Variants in PROX1 observed in about 807,000 individuals in gnomAD.
The protein encoded by PROX1 is prospero homeobox 1.
In PROX1, 7 loss-of-function variants were observed where a neutral mutation model predicts 58.8. The observed-to-expected ratio is 0.12, with a 90% confidence interval of 0.07 to 0.22. The LOEUF is 0.22. PROX1 is among the 10% of genes least tolerant of loss of function. PROX1 has a pLI of 1.00. For missense variants in PROX1, 675 were observed against 927.8 expected, an observed-to-expected ratio of 0.73 and a Z score of 3.54; for synonymous variants, 350 against 358.3, an observed-to-expected ratio of 0.98 and a Z score of 0.26.
In PROX1 at chr1:213,997,447, A is replaced by G; in HGVS notation, c.912A>G (p.Pro304=). 1 of 1,614,116 alleles carries G rather than the reference A, an allele frequency of 6.2e-7. No homozygotes were observed. The change falls in exon 2 of 5, where the codon CCA becomes CCG. Residue 304 remains proline (P), a synonymous_variant. Coordinates refer to ENST00000366958, the MANE Select transcript of PROX1 (RefSeq NM_001270616.2). The surrounding 1 kb of genome is among the most constrained non-coding windows in gnomAD (Gnocchi z 7.1). The part of the protein sequence containing the change: ...RSDNEMCELD[P]GQFIDRARAL... ...ATAATGAGATGTGCGAGCTAGACCC[A>G]GGACAGTTTATTGACCGAGCTCGAG...
chr1:213,999,708 C>T (rs1483046490), intron 2 of PROX1, among the ~76,000 whole-genome samples: 1 of 152,124 alleles, frequency 6.6e-6, no homozygotes. Flanking sequence ...GGAGTTTTAG[C>T]TTGGTTGTTG....
chr1:214,000,039 C>G (rs1663438731), intron 2 of PROX1, among the ~76,000 whole-genome samples: 1 of 139,420 alleles, frequency 7.2e-6, no homozygotes, highest in Non-Finnish European at 1.5e-5. Context: ...CTCTCTCTCT[C>G]TCTTACACAC....
intron 1 of PROX1, among the ~76,000 whole-genome samples, chr1:213,995,527 T>C (rs1370886104): frequency 6.6e-6 from 1 of 152,124 alleles, no homozygotes; most frequent in East Asian, 1.9e-4. Context: ...GTTAAAGAGT[T>C]TCTTTGGGCA....
chr1:213,992,845 A>G (rs1443927727), intron 1 of PROX1, among the ~76,000 whole-genome samples: 1 of 152,188 alleles, frequency 6.6e-6, no homozygotes, highest in Non-Finnish European at 1.5e-5. Context: ...AAAGTAGAGC[A>G]CTTAACCACT....
intron 4 of PROX1, among the ~76,000 whole-genome samples, chr1:214,032,535 A>G (rs556724792): frequency 6.6e-6 from 1 of 152,202 alleles, no homozygotes; most frequent in South Asian, 2.1e-4. Context: ...CTGGGACCAC[A>G]GGCATGTGCC....
chr1:214,008,182 G>C (rs1663783703), intron 3 of PROX1, among the ~76,000 whole-genome samples: 1 of 151,988 alleles, frequency 6.6e-6, no homozygotes, highest in African/African-American at 2.4e-5. Flanking sequence ...CTCCCAAGAA[G>C]CTGGGATTAC....
rs116474393 is a variant in PROX1 at position 213,994,670 on chromosome 1, C to A, written c.-67-1799C>A. On this transcript the variant is annotated intron_variant, in intron 1 of 4. Coordinates refer to ENST00000366958, the MANE Select transcript of PROX1 (RefSeq NM_001270616.2). The stretch of plus-strand genomic sequence containing the variant: ...CAATTTTGAACCCAATGTTGTAGTT[C>A]TTGAGAACTCCATCTCCATTCTAAG... 8.9e-4 allele frequency among the ~76,000 whole-genome samples: 132 copies of A among 148,342 alleles called. 2 individuals carry two copies. Among genetic ancestry groups the A allele is most frequent in the African/African-American group, 3.2e-3 (130 of 40,414 alleles).
At chr1:214,009,583 G>T (rs1401513016) in intron 3 of PROX1, among the ~76,000 whole-genome samples, 1 of 152,098 alleles carries the variant, frequency 6.6e-6, no homozygotes, top group African/African-American at 2.4e-5. Flanking sequence ...CATGTTTGGG[G>T]AGTCTGTTGT....
chr1:213,992,496 T>A (rs909381253), intron 1 of PROX1, among the ~76,000 whole-genome samples: 3 of 152,112 alleles, frequency 2.0e-5, no homozygotes, highest in Non-Finnish European at 2.9e-5. Flanking sequence ...AATCACTAAT[T>A]TCCAGATTGA....
At chr1:214,024,889 A>G (rs1664400468) in intron 4 of PROX1, among the ~76,000 whole-genome samples, 1 of 152,162 alleles carries the variant, frequency 6.6e-6, no homozygotes, top group Non-Finnish European at 1.5e-5. Flanking sequence ...TCACCCAGTA[A>G]TTGTAGCAAA....
chr1:214,032,779 A>C (rs1216750157), intron 4 of PROX1, among the ~76,000 whole-genome samples: 1 of 152,208 alleles, frequency 6.6e-6, no homozygotes, highest in Admixed American at 6.5e-5. Context: ...GAGGTAATTG[A>C]AAGTACATAA....
rs557721833 is a variant in PROX1, at chr1:213,999,742, T to G, written c.1725+1482T>G. On this transcript the variant is annotated intron_variant, in intron 2 of 4. Transcript: ENST00000366958. ...TGATTTCACTTGGACCTTTTGAAGA[T>G]CTAAAATTCAATCCACCAGCCATGA... 1.2e-4 allele frequency among the ~76,000 whole-genome samples: 19 copies of G among 152,266 alleles called. No individual in the cohort carries two copies. The East Asian group carries it at 3.1e-3, about 25-fold the overall frequency.
chr1:214,002,996 A>C (rs1187380836), intron 2 of PROX1, among the ~76,000 whole-genome samples: 1 of 152,244 alleles, frequency 6.6e-6, no homozygotes, highest in African/African-American at 2.4e-5. Flanking sequence ...TATTACCAAC[A>C]GGAAACATTT....
intron 4 of PROX1, among the ~76,000 whole-genome samples, chr1:214,027,887 A>C (rs1275100270): frequency 6.6e-6 from 1 of 151,032 alleles, no homozygotes; most frequent in Non-Finnish European, 1.5e-5. Flanking sequence ...AGAGATACAG[A>C]CTGTTATTGC....
intron 4 of PROX1, among the ~76,000 whole-genome samples, chr1:214,022,737 C>T (rs151337774): frequency 6.6e-6 from 1 of 152,170 alleles, no homozygotes; most frequent in African/African-American, 2.4e-5. Context: ...AGATTAAATT[C>T]AAGAGTTTCA....
chr1:214,026,476 A>G (rs1664462187), intron 4 of PROX1, among the ~76,000 whole-genome samples: 1 of 152,224 alleles, frequency 6.6e-6, no homozygotes, highest in African/African-American at 2.4e-5. Context: ...CCAATGGAAT[A>G]CTTACATAAT....
At chr1:214,018,912 T>A (rs1259015636) in intron 4 of PROX1, among the ~76,000 whole-genome samples, 1 of 152,160 alleles carries the variant, frequency 6.6e-6, no homozygotes, top group Non-Finnish European at 1.5e-5. Flanking sequence ...TCATAAAAAA[T>A]TAAAGTTCTT....
At chr1:214,027,952 T>C (rs531183685) in intron 4 of PROX1, among the ~76,000 whole-genome samples, 16 of 151,670 alleles carry the variant, frequency 1.1e-4, no homozygotes, top group Non-Finnish European at 2.1e-4. Context: ...TTTTTTTTTC[T>C]TAAGACAGCC....
At chr1:213,988,696 C>A (rs1471243111) in intron 1 of PROX1, 1 of 152,168 alleles carries the variant, frequency 6.6e-6, no homozygotes, top group Admixed American at 6.6e-5. Context: ...TGGAACTCAG[C>A]GCTCCGCTCC....
Sources: gnomAD v4.1 joint callset for allele counts (sites outside exome capture counted in the v4.1 genomes callset) on GRCh38, gnomAD v4.1.1 for gene constraint, Gnocchi (gnomAD v3.1) non-coding constraint, MANE v1.5 for transcripts, NCBI Gene and HGNC (gene_info 2026-07-23, HGNC 2026-07-21) for gene names.